PIK3R1: variants seen among roughly 807,000 people sequenced by gnomAD.
The protein encoded by PIK3R1 is phosphatidylinositol 3-kinase regulatory subunit alpha.
PIK3R1 carries 29 observed loss-of-function variants against 98.0 expected under a neutral mutation model. The ratio of observed to expected loss-of-function variants is 0.30; its 90% CI spans 0.22 to 0.40. The LOEUF is 0.40. Among genes scored for constraint, PIK3R1 ranks in the 10% least tolerant of loss-of-function variants. PIK3R1 has a pLI of 1.00. For missense variants in PIK3R1, 596 were observed against 872.7 expected (o/e 0.68, Z 3.99); for synonymous variants, 282 against 311.8 (o/e 0.90, Z 1.01).
chr5:68,293,741 T>A lies in PIK3R1; in HGVS notation c.1332T>A (p.Ala444=), dbSNP rs1230274577. 6.6e-7 allele frequency: 1 copy of A among 1,504,008 alleles called. No homozygotes were observed. Among genetic ancestry groups the A allele is most frequent in the African/African-American group, 1.4e-5 (1 of 72,102 alleles). The allele number at this position is 1,504,008 out of a possible 1,614,324, so 93.2% of individuals were successfully genotyped here. A position where few individuals can be genotyped will look rare whatever the true frequency, so the allele number is the denominator to read the frequency against. The change falls in exon 11 of 16, where the codon GCT becomes GCA. Residue 444 remains alanine (A), a synonymous_variant. Transcript: ENST00000521381. ...TTGTCAAAGAAGATAATATTGAAGC[T>A]GTAGGGAAAAAATTACATGAATATA... ...DQVVKEDNIE[A]VGKKLHEYNT...
intron 14 of PIK3R1, among the ~76,000 whole-genome samples, chr5:68,295,929 G>A (rs1013186201): frequency 2.0e-5 from 3 of 152,204 alleles, no homozygotes; most frequent in African/African-American, 7.2e-5. Flanking sequence ...ACCTGAGTGT[G>A]GTTGCTTGAA....
chr5:68,225,015 C>A (rs951881597), intron 1 of PIK3R1, among the ~76,000 whole-genome samples: 2 of 152,252 alleles, frequency 1.3e-5, no homozygotes, highest in African/African-American at 4.8e-5. Flanking sequence ...GTCCTCACTG[C>A]TGGACTGGAA....
chr5:68,280,863 G>A, intron 6 of PIK3R1, 64 bp from the exon 7 acceptor site: 1 of 1,265,414 alleles, frequency 7.9e-7, no homozygotes, highest in Non-Finnish European at 1.1e-6. Flanking sequence ...TCACTTGAGT[G>A]TATATAAATG....
intron 15 of PIK3R1, 50 bp downstream of exon 15, chr5:68,296,391 T>TG: frequency 6.7e-7 from 1 of 1,492,336 alleles, no homozygotes; most frequent in Non-Finnish European, 9.2e-7. Context: ...GAAGAGATGT[T>TG]TCATTTATTC....
intron 2 of PIK3R1, among the ~76,000 whole-genome samples, chr5:68,262,762 T>C (rs1332938544): frequency 7.3e-6 from 1 of 137,892 alleles, no homozygotes; most frequent in South Asian, 2.2e-4. Context: ...CATGTATACA[T>C]ATATACATGT....
chr5:68,296,048 C>A, intron 14 of PIK3R1, 123 bp from the exon 15 acceptor site: 2 of 875,224 alleles, frequency 2.3e-6, no homozygotes, highest in Non-Finnish European at 3.5e-6. Context: ...CATGTGATGG[C>A]CAGTCTGACT....
Position 68,294,790 on chromosome 5 carries a change from T to C in PIK3R1, c.1568+112T>C, listed in dbSNP as rs1462616348. On this transcript the variant is annotated intron_variant, in intron 12 of 15. Transcript: ENST00000521381. ...GATCACGTGGACACAGGAAGGGGAATATCACTCTGGGGACTGTGGTGGGGT... is the reference window on the plus strand; with the variant it reads ...GATCACGTGGACACAGGAAGGGGAACATCACTCTGGGGACTGTGGTGGGGT... 6 of 514,246 alleles carry C rather than the reference T, an allele frequency of 1.2e-5. No individual in the cohort carries two copies. The South Asian group carries it at 1.5e-4, about 13-fold the overall frequency. 31.9% of individuals were successfully genotyped at this position (514,246 alleles called of 1,614,324 possible).
rs1748107399 is a variant in PIK3R1 at position 68,301,555 on chromosome 5, T to A, written c.*3954T>A. 6.3e-6 allele frequency: 1 copy of A among 157,982 alleles called. No individual in the cohort carries two copies. The allele number at this position is 157,982 out of a possible 1,614,324, so 9.8% of individuals were successfully genotyped here. On this transcript the variant is annotated 3_prime_UTR_variant, in exon 16 of 16. Transcript: ENST00000521381. ...AAAAAAACTCATTTATACCTGTGTA[T>A]TTTTTAAAGCTACAATCTGTTCAAT...
At chr5:68,284,449 A>G (rs1025070603) in intron 7 of PIK3R1, among the ~76,000 whole-genome samples, 2 of 152,208 alleles carry the variant, frequency 1.3e-5, no homozygotes, top group African/African-American at 4.8e-5. Flanking sequence ...GGCTTGGTGA[A>G]TGGAGCAGCC....
Position 68,273,382 on chromosome 5 carries a change from G to T in PIK3R1, c.335-8G>T. The T allele has an allele frequency of 6.2e-7, 1 of 1,613,320 alleles. No homozygotes were observed. The highest frequency in any genetic ancestry group is 8.5e-7 in the Non-Finnish European group (1 of 1,179,320). ...TTAAATACAATGGTGGGATTTTGTT[G>T]TTTGCAGCTTTGACTCTCCCGGATC... is the stretch of plus-strand genomic sequence containing the variant. On this transcript the variant is annotated splice_polypyrimidine_tract_variant and splice_region_variant and intron_variant, in intron 2 of 15. Transcript: ENST00000521381.
At chr5:68,264,930 C>T (rs149011118) in intron 2 of PIK3R1, among the ~76,000 whole-genome samples, 275 of 152,256 alleles carry the variant, frequency 1.8e-3, no homozygotes, top group African/African-American at 5.4e-3. Context: ...CCCGCCGGTC[C>T]GTCAGTATCA....
At chr5:68,289,972 TGACA>T (rs1487656619) in intron 7 of PIK3R1, among the ~76,000 whole-genome samples, 1 of 152,202 alleles carries the variant, frequency 6.6e-6, no homozygotes, top group East Asian at 1.9e-4. Flanking sequence ...TTAATAATGT[TGACA>T]GACAATTACG....
chr5:68,225,869 T>C (rs1417877413), intron 1 of PIK3R1, among the ~76,000 whole-genome samples: 2 of 152,234 alleles, frequency 1.3e-5, no homozygotes, highest in Admixed American at 1.3e-4. Flanking sequence ...CTTCTCAGAA[T>C]ATGACATTTT....
At chr5:68,263,897 C>T (rs984694760) in intron 2 of PIK3R1, among the ~76,000 whole-genome samples, 1 of 152,078 alleles carries the variant, frequency 6.6e-6, no homozygotes, top group Admixed American at 6.6e-5. Context: ...GCTTCAACTC[C>T]CTTCATATAT....
At chr5:68,222,773 G>A (rs1340826421) in intron 1 of PIK3R1, among the ~76,000 whole-genome samples, 1 of 152,074 alleles carries the variant, frequency 6.6e-6, no homozygotes, top group Non-Finnish European at 1.5e-5. Context: ...AGGTTAATTG[G>A]AGTGATCAGC....
At chr5:68,290,630 A>G in intron 7 of PIK3R1, 2 of 1,440,288 alleles carry the variant, frequency 1.4e-6, no homozygotes, top group African/African-American at 2.9e-5. Flanking sequence ...GTTTCAGTGC[A>G]GCCCCTTATA....
rs529177012 is a variant in PIK3R1, at chr5:68,237,079, TTTC to T, written c.334+10073_334+10075del. Among the ~76,000 whole-genome samples, 184 of 152,350 alleles carry T rather than the reference TTTC, an allele frequency of 1.2e-3. 1 individual carries two copies. Among genetic ancestry groups the T allele is most frequent in the African/African-American group, 4.4e-3 (183 of 41,580 alleles). ...TTAAATGTTTCCCTGAGTTTCAAGT[TTTC>T]TTATTTCAGACTCATAATTATATCA... On this transcript the variant is annotated intron_variant, in intron 2 of 15. Coordinates refer to ENST00000521381, the MANE Select transcript of PIK3R1 (RefSeq NM_181523.3).
At chr5:68,255,942 C>G (rs1198163912) in intron 2 of PIK3R1, among the ~76,000 whole-genome samples, 2 of 152,164 alleles carry the variant, frequency 1.3e-5, no homozygotes, top group East Asian at 1.9e-4. Context: ...AACTGACTGC[C>G]TTTGTGGTGT....
chr5:68,257,565 T>C (rs1745569432), intron 2 of PIK3R1, among the ~76,000 whole-genome samples: 1 of 152,266 alleles, frequency 6.6e-6, no homozygotes, highest in Non-Finnish European at 1.5e-5. Flanking sequence ...CTAATACTTT[T>C]ACTCCTATGC....
Sources: gnomAD v4.1 joint callset for allele counts (sites outside exome capture counted in the v4.1 genomes callset) on GRCh38, gnomAD v4.1.1 for gene constraint, MANE v1.5 for transcripts, NCBI Gene and HGNC (gene_info 2026-07-23, HGNC 2026-07-21) for gene names.